Variants in GSG1L observed in about 807,000 individuals in gnomAD.
The protein encoded by GSG1L is germ cell-specific gene 1-like protein.
GSG1L carries 24 observed loss-of-function variants against 42.1 expected under a neutral mutation model. That is an observed-to-expected ratio of 0.57 (90% confidence interval 0.41 to 0.80). The LOEUF (loss-of-function observed/expected upper bound fraction) is 0.80, where lower values mean the gene tolerates loss of function less well. GSG1L is among the 30% of genes least tolerant of loss of function. The probability of loss-of-function intolerance (pLI) is 0.00; values close to 1 mark genes in which losing one functional copy is unlikely to be tolerated. For missense variants in GSG1L, 445 were observed against 472.2 expected (o/e 0.94, Z 0.53); for synonymous variants, 215 against 203.5 (o/e 1.06, Z -0.48).
intron 1 of GSG1L, among the ~76,000 whole-genome samples, chr16:27,998,063 G>T (rs925889066): frequency 6.6e-6 from 1 of 151,928 alleles, no homozygotes; most frequent in African/African-American, 2.4e-5. Context: ...CACCATGTTG[G>T]CCTGGCTGGT....
intron 1 of GSG1L, among the ~76,000 whole-genome samples, chr16:27,965,949 T>C (rs886536313): frequency 6.6e-6 from 1 of 152,046 alleles, no homozygotes; most frequent in Non-Finnish European, 1.5e-5. Context: ...GTGATCTGTC[T>C]CTCCATCACC....
chr16:27,916,018 G>A (rs1474661413), intron 2 of GSG1L, among the ~76,000 whole-genome samples: 1 of 152,172 alleles, frequency 6.6e-6, no homozygotes, highest in Non-Finnish European at 1.5e-5. Flanking sequence ...GGCCACTAAA[G>A]GAGCACACTC....
chr16:27,979,248 A>T (rs1269127023), intron 1 of GSG1L, among the ~76,000 whole-genome samples: 1 of 152,094 alleles, frequency 6.6e-6, no homozygotes, highest in Non-Finnish European at 1.5e-5. Flanking sequence ...CAGACTAGAC[A>T]ACATAGCAAG....
In GSG1L at chr16:27,850,411, G is replaced by A. The variant is rs1384750174; in HGVS notation, c.551-5350C>T. ...TGCGATTCAAGGAGTAGTCAGAACC[G>A]GAGACTTAAATGCGTGAATCATCTG... On this transcript the variant is annotated intron_variant, in intron 3 of 6. Transcript: ENST00000447459. 1.9e-5 allele frequency: 8 copies of A among 429,072 alleles called. No homozygotes were observed. The Middle Eastern group carries it at 1.9e-3, about 102-fold the overall frequency. The allele number at this position is 429,072 out of a possible 1,614,324, so 26.6% of individuals were successfully genotyped here. A position where few individuals can be genotyped will look rare whatever the true frequency, so the allele number is the denominator to read the frequency against.
chr16:28,063,264 T>C lies in GSG1L; in HGVS notation c.161A>G (p.Asn54Ser). The C allele has an allele frequency of 1.5e-6, 2 of 1,353,308 alleles. No individual in the cohort carries two copies. The highest frequency in any genetic ancestry group is 1.9e-6 in the Non-Finnish European group (2 of 1,045,668). The allele number at this position is 1,353,308 out of a possible 1,614,324, so 83.8% of individuals were successfully genotyped here. Residue 54 changes from asparagine (N) to serine (S), a missense_variant, in exon 1 of 7, where the codon AAC becomes AGC. Around this residue, in one of 3 missense-constraint regions of GSG1L, gnomAD observed 156 missense variants for 128.3 expected, o/e 1.22. Transcript: ENST00000447459. This position sits in a 1 kb window ranked among gnomAD's most constrained non-coding sequence, Gnocchi z 5.8. ...CGQGGRANCP[N>S]SGANATANGT... The stretch of plus-strand genomic sequence containing the variant: ...GTTGGCCGTGGCGTTGGCGCCCGAG[T>C]TGGGGCAGTTGGCGCGCCCGCCCTG...
At chr16:28,062,411 G>A (rs2086352263) in intron 1 of GSG1L, among the ~76,000 whole-genome samples, 1 of 152,220 alleles carries the variant, frequency 6.6e-6, no homozygotes, top group African/African-American at 2.4e-5. Flanking sequence ...TTGCCCAGCT[G>A]TCCCCAGTTC....
intron 3 of GSG1L, among the ~76,000 whole-genome samples, chr16:27,867,959 T>C (rs2083752794): frequency 6.6e-6 from 1 of 152,208 alleles, no homozygotes; most frequent in Non-Finnish European, 1.5e-5. Flanking sequence ...CTTGCTACAC[T>C]CACTCCACTA....
At chr16:28,022,840 G>A (rs946273432) in intron 1 of GSG1L, among the ~76,000 whole-genome samples, 1 of 151,868 alleles carries the variant, frequency 6.6e-6, no homozygotes, top group Non-Finnish European at 1.5e-5. Context: ...GCTAATTTTT[G>A]TATGTTTTTT....
intron 1 of GSG1L, among the ~76,000 whole-genome samples, chr16:28,022,912 C>T (rs575871486): frequency 5.3e-5 from 8 of 152,182 alleles, no homozygotes; most frequent in East Asian, 3.9e-4. Context: ...CCTCATGATC[C>T]GCCTGCCTCA....
At chr16:27,835,231 G>A (rs997376730) in intron 4 of GSG1L, among the ~76,000 whole-genome samples, 4 of 152,032 alleles carry the variant, frequency 2.6e-5, no homozygotes, top group Non-Finnish European at 5.9e-5. Context: ...CTTCTTAGTG[G>A]ATTGACTCTT....
Position 27,790,927 on chromosome 16 carries a change from G to T in GSG1L, c.*443C>A, listed in dbSNP as rs917259880. The T allele has an allele frequency of 6.3e-6, 1 of 158,918 alleles. No individual in the cohort carries two copies. Among genetic ancestry groups the T allele is most frequent in the African/African-American group, 2.4e-5 (1 of 41,774 alleles). The allele number at this position is 158,918 out of a possible 1,614,324, so 9.8% of individuals were successfully genotyped here. On this transcript the variant is annotated 3_prime_UTR_variant, in exon 7 of 7. Coordinates refer to ENST00000447459, the MANE Select transcript of GSG1L (RefSeq NM_001109763.2). ...AACAAGCATTTATTGAGCCCCTGCT[G>T]TGTGCCTGCTGTGTGACACCCCTGC...
intron 1 of GSG1L, among the ~76,000 whole-genome samples, chr16:28,036,690 C>G (rs2086042098): frequency 6.6e-6 from 1 of 152,208 alleles, no homozygotes; most frequent in African/African-American, 2.4e-5. Flanking sequence ...CAGGTAGCAG[C>G]CAAGCAGCCA....
intron 3 of GSG1L, among the ~76,000 whole-genome samples, chr16:27,881,853 T>C (rs1644583): frequency 0.47 from 70,753 of 151,834 alleles, 19,260 homozygotes; most frequent in Middle Eastern, 0.61. Context: ...TGACTTTACC[T>C]CCTGCACGGT....
Position 27,788,308 on chromosome 16 carries a change from G to A in GSG1L, c.*3062C>T, listed in dbSNP as rs1445639605. On this transcript the variant is annotated 3_prime_UTR_variant, in exon 7 of 7. Coordinates refer to ENST00000447459, the MANE Select transcript of GSG1L (RefSeq NM_001109763.2). The stretch of plus-strand genomic sequence containing the variant: ...TTTCTTCTCTTTCTTGAGTGTAAGA[G>A]GGATGAGGAAGGGAGAAGCATCTCC... 1 of 152,176 alleles carries A rather than the reference G, an allele frequency of 6.6e-6. No homozygotes were observed. Among genetic ancestry groups the A allele is most frequent in the Non-Finnish European group, 1.5e-5 (1 of 68,036 alleles). The allele number at this position is 152,176 out of a possible 1,614,324, so 9.4% of individuals were successfully genotyped here. A position where few individuals can be genotyped will look rare whatever the true frequency, so the allele number is the denominator to read the frequency against.
At chr16:28,055,785 C>G (rs1303304818) in intron 1 of GSG1L, among the ~76,000 whole-genome samples, 3 of 152,146 alleles carry the variant, frequency 2.0e-5, no homozygotes, top group African/African-American at 7.2e-5. Context: ...CCCTTTTATT[C>G]TTATCTGGGG....
intron 3 of GSG1L, among the ~76,000 whole-genome samples, chr16:27,859,694 G>C (rs1240249263): frequency 6.6e-6 from 1 of 152,140 alleles, no homozygotes; most frequent in Non-Finnish European, 1.5e-5. Context: ...TATATTTTGA[G>C]AGTTAGAGTC....
chr16:27,991,489 G>A (rs562850632), intron 1 of GSG1L, among the ~76,000 whole-genome samples: 6 of 151,394 alleles, frequency 4.0e-5, no homozygotes, highest in Admixed American at 2.6e-4. Context: ...CACTGCAACC[G>A]CTGCCCCCCA....
rs1342229156 is a variant in GSG1L, at chr16:28,004,353, G to T, written c.350-41150C>A. Among the ~76,000 whole-genome samples the T allele has an allele frequency of 2.0e-5, 3 of 152,102 alleles. No individual in the cohort carries two copies. The East Asian group carries it at 5.8e-4, about 29-fold the overall frequency. ...GAACAGTGGCTGGAGGGGGATGAGGGAGCTGAGAGGAAGGAGGTGAGGGAC... is the reference window on the plus strand; with the variant it reads ...GAACAGTGGCTGGAGGGGGATGAGGTAGCTGAGAGGAAGGAGGTGAGGGAC... On this transcript the variant is annotated intron_variant, in intron 1 of 6. Coordinates refer to ENST00000447459, the MANE Select transcript of GSG1L (RefSeq NM_001109763.2).
At chr16:27,986,104 A>T (rs934610047) in intron 1 of GSG1L, among the ~76,000 whole-genome samples, 1 of 152,208 alleles carries the variant, frequency 6.6e-6, no homozygotes, top group Non-Finnish European at 1.5e-5. Context: ...ATGGCTGACA[A>T]GTCACTGATG....
Sources: allele counts gnomAD v4.1 joint callset (sites outside exome capture counted in the v4.1 genomes callset), GRCh38; gene constraint gnomAD v4.1.1; regional missense constraint gnomAD v4.1.1; non-coding constraint Gnocchi (gnomAD v3.1); transcripts MANE v1.5; gene names NCBI Gene and HGNC (gene_info 2026-07-23, HGNC 2026-07-21).